The following NBAS variants were observed in gnomAD, a reference collection of about 807,000 sequenced individuals.
NBAS encodes NAG/BC035112 fusion.
Under a neutral mutation model 302.5 loss-of-function variants are expected in NBAS, and 219 were observed. The ratio of observed to expected loss-of-function variants is 0.72; its 90% CI spans 0.65 to 0.81. NBAS has a LOEUF of 0.81. NBAS is among the 30% of genes least tolerant of loss of function. NBAS has a pLI of 0.00. For synonymous variants in NBAS, 1,118 were observed against 1,021.6 expected (o/e 1.09, Z -1.80); for missense variants, 2,932 against 2,841.6 (o/e 1.03, Z -0.72).
At chr2:15,106,301 C>T in the NBAS span, among the ~76,000 whole-genome samples, 2 of 152,122 alleles carry the variant, frequency 1.3e-5, no homozygotes, top group African/African-American at 2.4e-5. Context: ...ACACTAGACA[C>T]TAGAAATCCT....
the NBAS span, among the ~76,000 whole-genome samples, chr2:14,931,261 A>G: frequency 6.6e-6 from 1 of 152,222 alleles, no homozygotes; most frequent in Non-Finnish European, 1.5e-5. Flanking sequence ...TATGACCTTG[A>G]ATAATTTATT....
intron 23 of NBAS, among the ~76,000 whole-genome samples, chr2:15,419,304 C>A (rs995756380): frequency 4.0e-5 from 6 of 150,612 alleles, no homozygotes; most frequent in Middle Eastern, 3.4e-3. Context: ...CTCATCTAAT[C>A]CACAGCAGAA....
intron 35 of NBAS, among the ~76,000 whole-genome samples, chr2:15,347,333 A>G (rs909563888): frequency 6.6e-6 from 1 of 152,198 alleles, no homozygotes; most frequent in Non-Finnish European, 1.5e-5. Flanking sequence ...ATTTCCATAC[A>G]AAGACTTTTA....
At chr2:15,066,037 A>G in the NBAS span, among the ~76,000 whole-genome samples, 32 of 141,530 alleles carry the variant, frequency 2.3e-4, no homozygotes, top group African/African-American at 7.4e-4. Context: ...GACAGAAATA[A>G]AGACCAATGG....
chr2:15,279,822 G>A (rs555771371), intron 42 of NBAS, among the ~76,000 whole-genome samples: 7 of 152,150 alleles, frequency 4.6e-5, no homozygotes, highest in African/African-American at 1.2e-4. Flanking sequence ...CATTTTAATA[G>A]TTTCCATTCT....
the NBAS span, among the ~76,000 whole-genome samples, chr2:15,014,172 A>C: frequency 1.3e-5 from 2 of 152,172 alleles, no homozygotes; most frequent in Admixed American, 6.5e-5. Context: ...TTACATCTAA[A>C]AGGAGAGATA....
chr2:15,539,887 C>T (rs943576937), intron 6 of NBAS, among the ~76,000 whole-genome samples: 2 of 151,946 alleles, frequency 1.3e-5, no homozygotes, highest in African/African-American at 4.8e-5. Context: ...CACACATATA[C>T]ATACACACAT....
intron 35 of NBAS, among the ~76,000 whole-genome samples, chr2:15,331,274 G>A (rs1263377932): frequency 1.3e-5 from 2 of 152,124 alleles, no homozygotes; most frequent in Non-Finnish European, 2.9e-5. Flanking sequence ...AGTGTTTGAT[G>A]GGTTTATAAT....
intron 35 of NBAS, among the ~76,000 whole-genome samples, chr2:15,349,388 A>G (rs1371333404): frequency 1.3e-5 from 2 of 152,226 alleles, no homozygotes; most frequent in Admixed American, 6.5e-5. Flanking sequence ...TTTCACATCC[A>G]ATGAGGGAAA....
intron 9 of NBAS, among the ~76,000 whole-genome samples, chr2:15,522,421 A>T (rs1243135783): frequency 6.6e-6 from 1 of 152,184 alleles, no homozygotes; most frequent in Non-Finnish European, 1.5e-5. Flanking sequence ...AGCAGGTTTG[A>T]AGGAGGAAAA....
chr2:15,243,261 G>A (rs904290561), intron 44 of NBAS, among the ~76,000 whole-genome samples: 6 of 152,122 alleles, frequency 3.9e-5, no homozygotes, highest in African/African-American at 1.4e-4. Flanking sequence ...AGTGAAATCT[G>A]AGCAGAAGTG....
At chr2:15,383,760 T>C (rs1675156815) in intron 28 of NBAS, among the ~76,000 whole-genome samples, 1 of 152,172 alleles carries the variant, frequency 6.6e-6, no homozygotes, top group African/African-American at 2.4e-5. Context: ...CAACTGAACA[T>C]TCACATCCAT....
At chr2:15,141,483 T>A in the NBAS span, among the ~76,000 whole-genome samples, 1 of 152,296 alleles carries the variant, frequency 6.6e-6, no homozygotes, top group East Asian at 1.9e-4. Flanking sequence ...AGAGCCCTTT[T>A]CTCTTGATCT....
intron 40 of NBAS, among the ~76,000 whole-genome samples, chr2:15,300,922 G>A (rs1488965083): frequency 6.6e-6 from 1 of 152,162 alleles, no homozygotes; most frequent in African/African-American, 2.4e-5. Context: ...GCACAACAAA[G>A]GATGTTAAAT....
At chr2:15,505,636 C>T (rs968712089) in intron 10 of NBAS, among the ~76,000 whole-genome samples, 2 of 152,152 alleles carry the variant, frequency 1.3e-5, no homozygotes, top group Admixed American at 6.5e-5. Flanking sequence ...GCACCGTTAA[C>T]CTACCAATCT....
the NBAS span, among the ~76,000 whole-genome samples, chr2:15,160,624 C>T: frequency 4.7e-5 from 7 of 148,612 alleles, no homozygotes; most frequent in Non-Finnish European, 1.5e-5. Context: ...ACCAGGTGAT[C>T]CCCCAGGGCC....
the NBAS span, among the ~76,000 whole-genome samples, chr2:14,826,477 A>G: frequency 6.6e-6 from 1 of 152,230 alleles, no homozygotes; most frequent in African/African-American, 2.4e-5. Flanking sequence ...TTATATATAA[A>G]TGAGATACCA....
chr2:15,468,616 C>T, intron 16 of NBAS, 83 bp from the exon 17 acceptor site: 3 of 1,480,588 alleles, frequency 2.0e-6, no homozygotes, highest in Non-Finnish European at 2.8e-6. Flanking sequence ...AATTGTAAAG[C>T]TATACCTGAT....
the NBAS span, among the ~76,000 whole-genome samples, chr2:14,883,234 A>T: frequency 6.6e-6 from 1 of 152,172 alleles, no homozygotes; most frequent in African/African-American, 2.4e-5. Context: ...TCATCCTTTG[A>T]AAATTTGTTC....
Sources: allele counts gnomAD v4.1 joint callset (sites outside exome capture counted in the v4.1 genomes callset), GRCh38; gene constraint gnomAD v4.1.1; transcripts MANE v1.5; gene names NCBI Gene and HGNC (gene_info 2026-07-23, HGNC 2026-07-21).